Variants in C14orf132 observed in about 807,000 individuals in gnomAD.
C14orf132 encodes chromosome 14 open reading frame 132, also known as uncharacterized protein C14orf132.
In C14orf132, 6 loss-of-function variants were observed where a neutral mutation model predicts 5.8. The observed-to-expected ratio is 1.03, with a 90% CI of 0.57 to 2.04. The LOEUF is 2.04. C14orf132 is among the 30% of genes most tolerant of loss of function. The pLI is 0.00. For synonymous variants in C14orf132, 51 were observed against 49.8 expected (o/e 1.02, Z -0.10); for missense variants, 125 against 115.8 (o/e 1.08, Z -0.37).
intron 1 of C14orf132, among the ~76,000 whole-genome samples, chr14:96,058,083 CAG>C (rs1887233240): frequency 6.6e-6 from 1 of 152,176 alleles, no homozygotes; most frequent in Non-Finnish European, 1.5e-5. Context: ...GCCCAATTTT[CAG>C]GTGAAGCAAC....
chr14:96,078,909 G>C (rs961612675), intron 1 of C14orf132, among the ~76,000 whole-genome samples: 2 of 152,242 alleles, frequency 1.3e-5, no homozygotes, highest in African/African-American at 4.8e-5. Flanking sequence ...ACCCTTTGCT[G>C]ACCCTCCTGC....
rs752413828 is a variant in C14orf132, at chr14:96,086,588, T to C, written c.105T>C (p.Ser35=). Residue 35 remains serine, a synonymous_variant, in exon 2 of 2, where the codon TCT becomes TCC. Coordinates refer to ENST00000555004, the MANE Select transcript of C14orf132 (RefSeq NM_001252507.3). ...CCGAGTACTCCCTGTTTAACTCCTC[T>C]GCCAATGTCCACGCGGCTGCCAATG... ...FSTEYSLFNS[S]ANVHAAANGQ... 8.6e-5 allele frequency: 132 copies of C among 1,536,026 alleles called. No homozygotes were observed. Among genetic ancestry groups the C allele is most frequent in the Middle Eastern group, 1.7e-4 (1 of 6,012 alleles).
chr14:96,045,265 G>T (rs952793282), intron 1 of C14orf132, among the ~76,000 whole-genome samples: 1 of 152,224 alleles, frequency 6.6e-6, no homozygotes, highest in African/African-American at 2.4e-5. Flanking sequence ...CAGAGATCAG[G>T]CAAGCCTTCA....
chr14:96,084,972 GC>G (rs1442995121), intron 1 of C14orf132, among the ~76,000 whole-genome samples: 1 of 152,158 alleles, frequency 6.6e-6, no homozygotes, highest in Non-Finnish European at 1.5e-5. Flanking sequence ...AGCTGCCCAG[GC>G]ACGTGTGTGC....
At chr14:96,052,301 C>T (rs1200106434) in intron 1 of C14orf132, among the ~76,000 whole-genome samples, 1 of 152,264 alleles carries the variant, frequency 6.6e-6, no homozygotes, top group Non-Finnish European at 1.5e-5. Flanking sequence ...ACGACTCAGA[C>T]AGGCTGGTGC....
intron 1 of C14orf132, among the ~76,000 whole-genome samples, chr14:96,058,798 G>A (rs996024430): frequency 1.3e-5 from 2 of 152,198 alleles, no homozygotes; most frequent in Admixed American, 1.3e-4. Flanking sequence ...GCAGCAGTAG[G>A]GCTGCCACTG....
intron 1 of C14orf132, among the ~76,000 whole-genome samples, chr14:96,041,068 C>T (rs1886682005): frequency 6.6e-6 from 1 of 152,178 alleles, no homozygotes; most frequent in South Asian, 2.1e-4. Context: ...TGCCCAGAGA[C>T]CAGGTTCCTA....
intron 1 of C14orf132, among the ~76,000 whole-genome samples, chr14:96,054,644 T>C (rs754812914): frequency 3.3e-5 from 5 of 152,202 alleles, no homozygotes; most frequent in Middle Eastern, 3.2e-3. Flanking sequence ...GGAATTATTA[T>C]GTTTGAACCA....
At chr14:96,082,800 C>T (rs1271325329) in intron 1 of C14orf132, among the ~76,000 whole-genome samples, 5 of 152,178 alleles carry the variant, frequency 3.3e-5, no homozygotes, top group South Asian at 4.1e-4. Flanking sequence ...GTAATCATTG[C>T]GTAACTGTCT....
intron 1 of C14orf132, among the ~76,000 whole-genome samples, chr14:96,068,236 ATG>A (rs1383179177): frequency 2.0e-5 from 3 of 152,170 alleles, no homozygotes; most frequent in African/African-American, 4.8e-5. Context: ...AGAGCAGATT[ATG>A]TTTTTTCAGC....
intron 1 of C14orf132, among the ~76,000 whole-genome samples, chr14:96,066,702 T>C (rs903709402): frequency 6.6e-6 from 1 of 152,056 alleles, no homozygotes; most frequent in African/African-American, 2.4e-5. Flanking sequence ...CTAAGAAAAA[T>C]AGACAAGTAC....
chr14:96,060,541 C>A (rs558899257), intron 1 of C14orf132, among the ~76,000 whole-genome samples: 40 of 152,330 alleles, frequency 2.6e-4, no homozygotes, highest in Middle Eastern at 3.4e-3. Context: ...TCTGCACCCT[C>A]ATTCTCGTGC....
intron 1 of C14orf132, among the ~76,000 whole-genome samples, chr14:96,058,274 C>T (rs1887239333): frequency 6.6e-6 from 1 of 152,144 alleles, no homozygotes; most frequent in Non-Finnish European, 1.5e-5. Context: ...CTTGTGGCTC[C>T]TGGAAGTAAC....
chr14:96,081,902 C>CAAA (rs1322497192), intron 1 of C14orf132, among the ~76,000 whole-genome samples: 1 of 152,154 alleles, frequency 6.6e-6, no homozygotes, highest in Non-Finnish European at 1.5e-5. Flanking sequence ...ACCCGGCCAA[C>CAAA]AAATGTTTTT....
chr14:96,073,902 C>A (rs1354478837), intron 1 of C14orf132, among the ~76,000 whole-genome samples: 1 of 152,174 alleles, frequency 6.6e-6, no homozygotes, highest in Non-Finnish European at 1.5e-5. Flanking sequence ...ATGGATGGAG[C>A]TGGAAGCTGT....
At position 96,090,453 on chromosome 14, in the gene C14orf132, T is replaced by G. The variant is rs1380333298; in HGVS notation, c.*3718T>G. The G allele has an allele frequency of 3.1e-6, 1 of 326,282 alleles. No individual in the cohort carries two copies. The highest frequency in any genetic ancestry group is 6.0e-6 in the Non-Finnish European group (1 of 166,878). 20.2% of individuals were successfully genotyped at this position (326,282 alleles called of 1,614,324 possible). On this transcript the variant is annotated 3_prime_UTR_variant, in exon 2 of 2. Coordinates refer to ENST00000555004, the MANE Select transcript of C14orf132 (RefSeq NM_001252507.3). ...ACTTACTGCTTTGTGAGGTTGTGAGTGGCCACCACTGAAGGTCTTTGAGAA... is the reference window on the plus strand; with the variant it reads ...ACTTACTGCTTTGTGAGGTTGTGAGGGGCCACCACTGAAGGTCTTTGAGAA...
At chr14:96,078,381 G>C (rs971406483) in intron 1 of C14orf132, among the ~76,000 whole-genome samples, 8 of 152,194 alleles carry the variant, frequency 5.3e-5, no homozygotes, top group African/African-American at 1.7e-4. Context: ...AGAGAGAGGG[G>C]GTTTCTTCTA....
intron 1 of C14orf132, among the ~76,000 whole-genome samples, chr14:96,060,199 C>T (rs1001837307): frequency 5.9e-5 from 9 of 152,126 alleles, no homozygotes; most frequent in East Asian, 1.9e-4. Context: ...TGGAGCTGAT[C>T]GGCTGGTTCT....
intron 1 of C14orf132, among the ~76,000 whole-genome samples, chr14:96,045,542 G>A (rs1027115538): frequency 5.9e-5 from 9 of 152,356 alleles, no homozygotes; most frequent in Admixed American, 5.9e-4. Flanking sequence ...ATGCCCTGGA[G>A]AGCTTGGCCA....
Sources: gnomAD v4.1 joint callset for allele counts (sites outside exome capture counted in the v4.1 genomes callset) on GRCh38, gnomAD v4.1.1 for gene constraint, MANE v1.5 for transcripts, NCBI Gene and HGNC (gene_info 2026-07-23, HGNC 2026-07-21) for gene names.